Variants in C10orf90 observed in about 807,000 individuals in gnomAD.
The protein encoded by C10orf90 is chromosome 10 open reading frame 90.
In C10orf90, 56 loss-of-function variants were observed where a neutral mutation model predicts 62.5. The ratio of observed to expected loss-of-function variants is 0.90; its 90% CI spans 0.72 to 1.12. C10orf90 has a LOEUF of 1.12. Ranked by LOEUF, C10orf90 falls within the 50% of genes most tolerant of loss-of-function variation. The pLI is 0.00. For missense variants in C10orf90, 970 were observed against 880.4 expected, an observed-to-expected ratio of 1.10 and a Z score of -1.29; for synonymous variants, 386 against 340.4, an observed-to-expected ratio of 1.13 and a Z score of -1.47.
At position 126,426,027 on chromosome 10, in the gene C10orf90, TAAGA is replaced by T; in HGVS notation, c.2312_2315del (p.Ile771AsnfsTer32). On this transcript the variant is annotated frameshift_variant, in exon 9 of 10. Coordinates refer to ENST00000488181, the MANE Select transcript of C10orf90 (RefSeq NM_001350921.2). LOFTEE classifies it high-confidence loss of function. ...CTTCGGCACGGAGTCTGTTACTTTG[TAAGA>T]TCACCCTTTTCCTTTGTTCTTCTTT... is the stretch of plus-strand genomic sequence containing the variant. 1 of 1,614,222 alleles carries T rather than the reference TAAGA, an allele frequency of 6.2e-7. No individual in the cohort carries two copies. Among genetic ancestry groups the T allele is most frequent in the Non-Finnish European group, 8.5e-7 (1 of 1,180,036 alleles).
chr10:126,560,118 A>T (rs1864867292), intron 2 of C10orf90, among the ~76,000 whole-genome samples: 1 of 152,068 alleles, frequency 6.6e-6, no homozygotes, highest in Non-Finnish European at 1.5e-5. Flanking sequence ...TTTCTATACA[A>T]CTGCTCCATT....
chr10:126,493,207 G>C (rs1355020889), intron 4 of C10orf90, among the ~76,000 whole-genome samples: 1 of 150,802 alleles, frequency 6.6e-6, no homozygotes, highest in African/African-American at 2.4e-5. Flanking sequence ...AAAAAGAAAA[G>C]CTTGTTGCAT....
rs187160334 is a variant in C10orf90, at chr10:126,601,134, A to C, written c.313+45431T>G. ...ACTGCTTATCTCACTTAGATGTGGA[A>C]TTTTTTTAAAGGTCAAATGTACAGA... On this transcript the variant is annotated intron_variant, in intron 2 of 9. Transcript: ENST00000488181. Among the ~76,000 whole-genome samples, 63 of 152,292 alleles carry C rather than the reference A, an allele frequency of 4.1e-4. No individual in the cohort carries two copies. The East Asian group carries it at 8.7e-3, about 21-fold the overall frequency.
At chr10:126,492,505 T>C (rs766868509) in intron 4 of C10orf90, among the ~76,000 whole-genome samples, 78 of 152,208 alleles carry the variant, frequency 5.1e-4, no homozygotes, top group Non-Finnish European at 2.9e-4. Context: ...TACAAAATTA[T>C]TTCAAAATTC....
At chr10:126,565,656 G>T (rs1844369582) in intron 2 of C10orf90, among the ~76,000 whole-genome samples, 1 of 151,688 alleles carries the variant, frequency 6.6e-6, no homozygotes, top group South Asian at 2.1e-4. Context: ...AAAGCTCCTT[G>T]TTGTTTGAAC....
chr10:126,577,000 G>A lies in C10orf90; in HGVS notation c.314-63061C>T, dbSNP rs113689263. On this transcript the variant is annotated intron_variant, in intron 2 of 9. Transcript: ENST00000488181. ...ACAGAGGATACTAGAGGCTGAGAAG[G>A]GTAGGGGGAAGAGAAGGAGATATTT... Among the ~76,000 whole-genome samples, 179 of 151,574 alleles carry A rather than the reference G, an allele frequency of 1.2e-3. 1 individual carries two copies. Among genetic ancestry groups the A allele is most frequent in the Middle Eastern group, 0.01 (3 of 292 alleles).
At chr10:126,640,893 T>A (rs1054830164) in intron 2 of C10orf90, among the ~76,000 whole-genome samples, 9 of 152,190 alleles carry the variant, frequency 5.9e-5, no homozygotes, top group African/African-American at 2.2e-4. Flanking sequence ...ATTGGAGAAG[T>A]TGCATTGATT....
rs532229296 is a variant in C10orf90 at position 126,430,668 on chromosome 10, G to A, written c.2189-818C>T. ...ATGGGGGTGTGTTTCAGCAACTGCC[G>A]TGCTTCCTAAAACACCTGGGCAGTA... On this transcript the variant is annotated intron_variant, in intron 7 of 9. Transcript: ENST00000488181. 2.6e-4 allele frequency among the ~76,000 whole-genome samples: 39 copies of A among 152,224 alleles called. 1 individual carries two copies. The South Asian group carries it at 5.8e-3, about 23-fold the overall frequency.
intron 4 of C10orf90, among the ~76,000 whole-genome samples, chr10:126,485,787 A>AAT (rs955140240): frequency 1.3e-5 from 2 of 151,492 alleles, no homozygotes; most frequent in African/African-American, 4.9e-5. Flanking sequence ...AAAAAAAAAA[A>AAT]ATACAAAAAA....
At chr10:126,508,037 GAAA>G (rs57510499) in intron 3 of C10orf90, among the ~76,000 whole-genome samples, 2 of 133,724 alleles carry the variant, frequency 1.5e-5, no homozygotes. Context: ...GCTCTTTGAA[GAAA>G]AAAAAAAAAA....
intron 2 of C10orf90, among the ~76,000 whole-genome samples, chr10:126,614,633 C>G (rs1845504463): frequency 6.6e-6 from 1 of 152,040 alleles, no homozygotes; most frequent in Admixed American, 6.6e-5. Flanking sequence ...GGAAATCCTC[C>G]TCCATTTATT....
intron 2 of C10orf90, among the ~76,000 whole-genome samples, chr10:126,593,254 C>T (rs1008843813): frequency 5.3e-5 from 8 of 152,162 alleles, no homozygotes; most frequent in Non-Finnish European, 1.2e-4. Flanking sequence ...CACTGCGGCA[C>T]TATCCACAAT....
rs543315877 is a variant in C10orf90, at chr10:126,552,118, T to C, written c.314-38179A>G. Among the ~76,000 whole-genome samples, 20 of 152,344 alleles carry C rather than the reference T, an allele frequency of 1.3e-4. 1 individual carries two copies. In the East Asian group the frequency reaches 3.9e-3, roughly 29 times the overall value. On this transcript the variant is annotated intron_variant, in intron 2 of 9. Coordinates refer to ENST00000488181, the MANE Select transcript of C10orf90 (RefSeq NM_001350921.2). ...TTGGTAAAGTTCAGTTAATCTTTTA[T>C]TGATAGAGCTTTAGGGTCATCAGTG...
chr10:126,579,900 G>T (rs181345978), intron 2 of C10orf90, among the ~76,000 whole-genome samples: 1 of 152,138 alleles, frequency 6.6e-6, no homozygotes, highest in African/African-American at 2.4e-5. Flanking sequence ...ATAGACGAGG[G>T]TTAGCATTTG....
chr10:126,476,565 T>G (rs752351409), intron 4 of C10orf90, among the ~76,000 whole-genome samples: 3 of 152,194 alleles, frequency 2.0e-5, no homozygotes, highest in Non-Finnish European at 4.4e-5. Flanking sequence ...CTGCGAGGCT[T>G]AGACATTTAA....
intron 7 of C10orf90, among the ~76,000 whole-genome samples, chr10:126,448,362 A>G (rs1015787893): frequency 2.6e-5 from 4 of 152,206 alleles, no homozygotes; most frequent in African/African-American, 9.6e-5. Context: ...GCTAAAACAT[A>G]TGGAATGCAG....
At chr10:126,556,063 C>T (rs1450403126) in intron 2 of C10orf90, among the ~76,000 whole-genome samples, 2 of 152,164 alleles carry the variant, frequency 1.3e-5, no homozygotes, top group African/African-American at 2.4e-5. Flanking sequence ...CTGGCCTAGC[C>T]TGCATCAGAT....
intron 3 of C10orf90, among the ~76,000 whole-genome samples, chr10:126,506,501 G>A (rs1046008788): frequency 6.6e-6 from 1 of 152,236 alleles, no homozygotes; most frequent in Admixed American, 6.5e-5. Flanking sequence ...GGCATAACTG[G>A]ATGCCCAACA....
At chr10:126,491,553 A>T (rs1861775199) in intron 4 of C10orf90, among the ~76,000 whole-genome samples, 3 of 152,192 alleles carry the variant, frequency 2.0e-5, no homozygotes. Context: ...GGATTCTCTC[A>T]CTCCCTAACT....
Sources: allele counts gnomAD v4.1 joint callset (sites outside exome capture counted in the v4.1 genomes callset), GRCh38; gene constraint gnomAD v4.1.1; transcripts MANE v1.5; gene names NCBI Gene and HGNC (gene_info 2026-07-23, HGNC 2026-07-21).